KANK2: variants seen among roughly 807,000 people sequenced by gnomAD.
KANK2 encodes the protein KN motif and ankyrin repeat domain-containing protein 2.
KANK2 carries 41 observed loss-of-function variants against 74.6 expected under a neutral mutation model. The observed-to-expected ratio is 0.55, with a 90% CI of 0.43 to 0.71. The LOEUF is 0.71. KANK2 is among the 30% of genes least tolerant of loss of function. The pLI, the probability that KANK2 is intolerant of heterozygous loss-of-function variation, is 0.00. For missense variants in KANK2, 1,148 were observed against 1,196.4 expected (o/e 0.96, Z 0.60); for synonymous variants, 537 against 519.0 (o/e 1.03, Z -0.47).
At chr19:11,179,090 C>T (rs906264045) in intron 4 of KANK2, among the ~76,000 whole-genome samples, 1 of 151,928 alleles carries the variant, frequency 6.6e-6, no homozygotes, top group Non-Finnish European at 1.5e-5. Flanking sequence ...CTGAGGCGGG[C>T]GAATCCCCTG....
At chr19:11,177,648 G>A (rs190556857) in intron 6 of KANK2, among the ~76,000 whole-genome samples, 3 of 152,206 alleles carry the variant, frequency 2.0e-5, no homozygotes, top group Admixed American at 6.5e-5. Context: ...CACCGCGCCC[G>A]GCCACTTCTA....
At chr19:11,192,363 CAG>C (rs1322417098) in intron 4 of KANK2, 2 of 201,392 alleles carry the variant, frequency 9.9e-6, no homozygotes, top group African/African-American at 4.7e-5. Context: ...GATGATAAGA[CAG>C]AGACTCTAAG....
intron 10 of KANK2, 35 bp downstream of exon 10, chr19:11,172,946 G>A (rs780475485): frequency 1.9e-6 from 3 of 1,602,922 alleles, no homozygotes; most frequent in Admixed American, 1.7e-5. Context: ...AGTAGGAAGA[G>A]CCACCTGGAT....
intron 6 of KANK2, 26 bp downstream of exon 6, chr19:11,178,319 T>C: frequency 2.1e-6 from 1 of 471,160 alleles, no homozygotes; most frequent in Non-Finnish European, 3.2e-6. Flanking sequence ...AAGTATGGGG[T>C]GGGGGGTGGG....
chr19:11,173,585 C>G (rs901245164), intron 9 of KANK2, among the ~76,000 whole-genome samples: 1 of 152,212 alleles, frequency 6.6e-6, no homozygotes, highest in Admixed American at 6.5e-5. Context: ...ACCAGGGCTC[C>G]AGAGATGTCA....
chr19:11,196,257 C>T (rs982951920), intron 1 of KANK2: 1 of 152,232 alleles, frequency 6.6e-6, no homozygotes, highest in East Asian at 1.9e-4. Context: ...GGTGTTTCTC[C>T]ATGTTGGTCA....
intron 10 of KANK2, among the ~76,000 whole-genome samples, chr19:11,172,670 G>A (rs1007885107): frequency 5.3e-5 from 8 of 152,136 alleles, no homozygotes; most frequent in African/African-American, 1.9e-4. Flanking sequence ...CTTGAAGAAC[G>A]GGCTAGTGAG....
intron 4 of KANK2, among the ~76,000 whole-genome samples, chr19:11,192,106 C>T (rs530258012): frequency 6.6e-6 from 1 of 152,266 alleles, no homozygotes; most frequent in Admixed American, 6.5e-5. Flanking sequence ...TGGATCCAGC[C>T]ATGCCTGAAG....
chr19:11,182,840 CAAAA>C (rs36229477), intron 4 of KANK2, among the ~76,000 whole-genome samples: 7 of 62,954 alleles, frequency 1.1e-4, no homozygotes, highest in African/African-American at 2.7e-4. Context: ...CAGACTGCCT[CAAAA>C]AAAAAAAAAA....
At position 11,193,898 on chromosome 19, in the gene KANK2, C is replaced by A. The variant is rs754512529; in HGVS notation, c.182G>T (p.Arg61Leu). Residue 61 changes from arginine (R) to leucine (L), a missense_variant, in exon 4 of 13, where the codon CGC (arginine) becomes CTC (leucine). Arg to Leu is a moderately radical substitution (Grantham distance 102, BLOSUM62 -2). Transcript: ENST00000586659. The surrounding 1 kb of genome is among the most constrained non-coding windows in gnomAD (Gnocchi z 9.6). ...DDIEKGHTLR[R>L]VAVQRRPRLS... is the part of the protein sequence containing the mutation. ...GCGGGGGCGGCGCTGCACTGCCACG[C>A]GTCGCAGCGTGTGGCCCTTCTCGAT... The A allele has an allele frequency of 5.0e-6, 8 of 1,613,744 alleles. No homozygotes were observed. Among genetic ancestry groups the A allele is most frequent in the Non-Finnish European group, 6.8e-6 (8 of 1,179,960 alleles).
chr19:11,172,728 C>T (rs190821841), intron 10 of KANK2, among the ~76,000 whole-genome samples: 33 of 152,240 alleles, frequency 2.2e-4, no homozygotes, highest in Admixed American at 5.2e-4. Context: ...CCCCAGTTTT[C>T]GGCCCAGGGA....
chr19:11,195,246 T>C (rs900176911), intron 2 of KANK2: 6 of 151,884 alleles, frequency 4.0e-5, no homozygotes, highest in African/African-American at 1.5e-4. Context: ...CCGCCTAGGA[T>C]GCGTCCGGGC....
intron 9 of KANK2, 75 bp from the exon 10 acceptor site, chr19:11,173,198 T>TTC: frequency 6.6e-7 from 1 of 1,504,438 alleles, no homozygotes; most frequent in Non-Finnish European, 9.1e-7. Context: ...GGATACCACG[T>TTC]CTCGTCCATC....
chr19:11,193,491 G>A lies in KANK2; in HGVS notation c.589C>T (p.Arg197Trp), dbSNP rs138305694. 7.7e-3 allele frequency: 12,329 copies of A among 1,610,614 alleles called. 63 individuals carry two copies. Among genetic ancestry groups the A allele is most frequent in the Non-Finnish European group, 9.6e-3 (11,272 of 1,179,924 alleles). The change falls in exon 4 of 13, where the codon CGG becomes TGG. Residue 197 changes from arginine (R) to tryptophan (W), a missense_variant. Coordinates refer to ENST00000586659, the MANE Select transcript of KANK2 (RefSeq NM_001136191.3). This position sits in a 1 kb window ranked among gnomAD's most constrained non-coding sequence, Gnocchi z 9.6. ...TGCTCCTCCAGCTGCCGCAGCTTCCGCAGGGCACCCGCCATCTGCTCCCGC... is the reference window on the plus strand; with the variant it reads ...TGCTCCTCCAGCTGCCGCAGCTTCCACAGGGCACCCGCCATCTGCTCCCGC... ...HVREQMAGAL[R>W]KLRQLEEQVK... is the part of the protein sequence containing the mutation.
rs1335667005 is a variant in KANK2, at chr19:11,164,686, T to TCTTTGC, written c.*1871_*1872insGCAAAG. The TCTTTGC allele has an allele frequency of 1.3e-5, 2 of 149,980 alleles. No individual in the cohort carries two copies. Among genetic ancestry groups the TCTTTGC allele is most frequent in the Non-Finnish European group, 3.0e-5 (2 of 67,156 alleles). 9.3% of individuals were successfully genotyped at this position (149,980 alleles called of 1,614,324 possible). Reference sequence around the variant, plus strand: ...CTTTGGTTTTGTTTTCTCTGCAATTTACATGCAAACACCATCTATCTATTC... The same window carrying TCTTTGC: ...CTTTGGTTTTGTTTTCTCTGCAATTTCTTTGCACATGCAAACACCATCTATCTATTC... On this transcript the variant is annotated 3_prime_UTR_variant, in exon 13 of 13. Transcript: ENST00000586659.
At chr19:11,177,054 C>A (rs141770714) in intron 6 of KANK2, among the ~76,000 whole-genome samples, 1 of 151,456 alleles carries the variant, frequency 6.6e-6, no homozygotes, top group East Asian at 1.9e-4. Flanking sequence ...CACTGCTTTT[C>A]ACCTCCTGCC....
rs1022718652 is a variant in KANK2, at chr19:11,170,975, C to T, written c.2212-727G>A. ...TAGCTGAGATTACAGGCGTGTGCCACTACGCCCAGCTAATTTTTGTATTTT... is the reference window on the plus strand; with the variant it reads ...TAGCTGAGATTACAGGCGTGTGCCATTACGCCCAGCTAATTTTTGTATTTT... On this transcript the variant is annotated intron_variant, in intron 10 of 12. Transcript: ENST00000586659. The surrounding 1 kb of genome is among the most constrained non-coding windows in gnomAD (Gnocchi z 5.2). Among the ~76,000 whole-genome samples, 4 of 152,202 alleles carry T rather than the reference C, an allele frequency of 2.6e-5. No individual in the cohort carries two copies. Among genetic ancestry groups the T allele is most frequent in the African/African-American group, 4.8e-5 (2 of 41,452 alleles).
chr19:11,187,904 A>T (rs891839602), intron 4 of KANK2, among the ~76,000 whole-genome samples: 1 of 152,196 alleles, frequency 6.6e-6, no homozygotes, highest in Non-Finnish European at 1.5e-5. Flanking sequence ...CCTGGGCAAC[A>T]TAGTGAGACC....
chr19:11,166,675 T>G, intron 12 of KANK2, 64 bp from the exon 13 acceptor site: 1 of 1,507,184 alleles, frequency 6.6e-7, no homozygotes, highest in South Asian at 1.1e-5. Context: ...GGCGCCAACG[T>G]GGTGGCTGGC....
Sources: gnomAD v4.1 joint callset for allele counts (sites outside exome capture counted in the v4.1 genomes callset) on GRCh38, gnomAD v4.1.1 for gene constraint, Gnocchi (gnomAD v3.1) non-coding constraint, MANE v1.5 for transcripts, NCBI Gene and HGNC (gene_info 2026-07-23, HGNC 2026-07-21) for gene names.